NCKAP5: variants seen among roughly 807,000 people sequenced by gnomAD.
The protein encoded by NCKAP5 is nck-associated protein 5.
In NCKAP5, 92 loss-of-function variants were observed where a neutral mutation model predicts 167.0. The ratio of observed to expected loss-of-function variants is 0.55; its 90% CI spans 0.47 to 0.66. NCKAP5 has a LOEUF of 0.66. Ranked by LOEUF, NCKAP5 falls within the 30% of genes least tolerant of loss-of-function variation. NCKAP5 has a pLI of 0.00. For synonymous variants in NCKAP5, 891 were observed against 877.4 expected (o/e 1.02, Z -0.27); for missense variants, 2,378 against 2,315.0 (o/e 1.03, Z -0.56).
At chr2:133,547,117 G>A (rs1014227370) in intron 2 of NCKAP5, among the ~76,000 whole-genome samples, 14 of 152,310 alleles carry the variant, frequency 9.2e-5, no homozygotes, top group Non-Finnish European at 1.8e-4. Flanking sequence ...AAGGGGTGAC[G>A]GACGCACCTG....
intron 11 of NCKAP5, among the ~76,000 whole-genome samples, chr2:132,814,250 C>T (rs2105283683): frequency 6.6e-6 from 1 of 152,228 alleles, no homozygotes; most frequent in South Asian, 2.1e-4. Flanking sequence ...AGCTTTATCC[C>T]CAAAGCAGTT....
intron 8 of NCKAP5, among the ~76,000 whole-genome samples, chr2:132,955,936 G>T (rs546388840): frequency 1.3e-5 from 2 of 151,994 alleles, no homozygotes; most frequent in Non-Finnish European, 2.9e-5. Flanking sequence ...TCAAATGTTT[G>T]TTGGCCACAT....
intron 4 of NCKAP5, among the ~76,000 whole-genome samples, chr2:133,219,419 A>G (rs2086564210): frequency 6.6e-6 from 1 of 152,212 alleles, no homozygotes; most frequent in Non-Finnish European, 1.5e-5. Context: ...ACATTTATGC[A>G]GGAAATGCAA....
At chr2:133,437,824 G>A (rs1690589534) in intron 3 of NCKAP5, among the ~76,000 whole-genome samples, 2 of 152,180 alleles carry the variant, frequency 1.3e-5, no homozygotes, top group South Asian at 4.1e-4. Flanking sequence ...ACCACATACA[G>A]TTCTTTTGAG....
chr2:132,860,816 A>G (rs1689845449), intron 10 of NCKAP5, among the ~76,000 whole-genome samples: 1 of 152,202 alleles, frequency 6.6e-6, no homozygotes, highest in Non-Finnish European at 1.5e-5. Flanking sequence ...ATTTTTTTTA[A>G]AAAAGCACCT....
chr2:133,559,310 C>A (rs766357631), intron 1 of NCKAP5, among the ~76,000 whole-genome samples, 193 bp from the exon 2 acceptor site: 4 of 152,120 alleles, frequency 2.6e-5, no homozygotes, highest in Non-Finnish European at 5.9e-5. Context: ...ACACATCATA[C>A]ACATTTAATA....
At chr2:132,792,565 G>A (rs1337454448) in intron 12 of NCKAP5, among the ~76,000 whole-genome samples, 3 of 152,118 alleles carry the variant, frequency 2.0e-5, no homozygotes, top group Non-Finnish European at 2.9e-5. Flanking sequence ...GTTTAAATAC[G>A]CAGTGTGGTG....
intron 4 of NCKAP5, among the ~76,000 whole-genome samples, chr2:133,248,563 A>T (rs2088129509): frequency 6.6e-6 from 1 of 152,234 alleles, no homozygotes; most frequent in Admixed American, 6.5e-5. Context: ...CCTGGTTTCT[A>T]GTCCAAATTC....
intron 7 of NCKAP5, among the ~76,000 whole-genome samples, chr2:132,980,234 T>A (rs2077093976): frequency 1.3e-5 from 2 of 151,986 alleles, no homozygotes; most frequent in Non-Finnish European, 2.9e-5. Context: ...TCAACTAATC[T>A]GCCTGCCTCA....
rs114254654 is a variant in NCKAP5, at chr2:133,171,137, G to T, written c.208-41026C>A. Among the ~76,000 whole-genome samples, 705 of 152,240 alleles carry T rather than the reference G, an allele frequency of 4.6e-3. 1 individual carries two copies. The highest frequency in any genetic ancestry group is 0.016 in the African/African-American group (659 of 41,536). ...TAGAGAGATAAAGGGAGCATTTTGA[G>T]GCAGGGTGCTTTTGAAGGCATCTCA... On this transcript the variant is annotated intron_variant, in intron 5 of 19. Coordinates refer to ENST00000409261, the MANE Select transcript of NCKAP5 (RefSeq NM_207363.3).
chr2:132,857,232 TG>T (rs1412114902), intron 11 of NCKAP5, among the ~76,000 whole-genome samples: 1 of 152,212 alleles, frequency 6.6e-6, no homozygotes, highest in Non-Finnish European at 1.5e-5. Context: ...TCCTAATTTT[TG>T]TTTTCCTTAA....
intron 19 of NCKAP5, among the ~76,000 whole-genome samples, chr2:132,719,068 T>C (rs190664379): frequency 6.6e-6 from 1 of 152,164 alleles, no homozygotes; most frequent in East Asian, 1.9e-4. Flanking sequence ...AGAAGGGTGT[T>C]AGTACAAAAG....
intron 5 of NCKAP5, among the ~76,000 whole-genome samples, chr2:133,131,499 C>A (rs1453233440): frequency 6.6e-6 from 1 of 152,130 alleles, no homozygotes; most frequent in Non-Finnish European, 1.5e-5. Context: ...GCCTTATGTG[C>A]AGATATATTT....
the NCKAP5 span, among the ~76,000 whole-genome samples, chr2:133,626,963 T>A: frequency 6.6e-6 from 1 of 151,912 alleles, no homozygotes; most frequent in African/African-American, 2.4e-5. Context: ...AACAAAATAG[T>A]TAAATGTTTA....
At chr2:133,207,612 CAGAA>C (rs2150147115) in intron 5 of NCKAP5, among the ~76,000 whole-genome samples, 1 of 151,484 alleles carries the variant, frequency 6.6e-6, no homozygotes, top group East Asian at 2.0e-4. Flanking sequence ...CTTACAATGC[CAGAA>C]AGAAAGAAGA....
intron 3 of NCKAP5, among the ~76,000 whole-genome samples, chr2:133,404,575 A>G (rs1688307158): frequency 6.6e-6 from 1 of 152,228 alleles, no homozygotes. Context: ...GAGGTTTTTC[A>G]TTTAATATTT....
chr2:133,672,467 T>C, the NCKAP5 span, among the ~76,000 whole-genome samples: 2 of 152,250 alleles, frequency 1.3e-5, no homozygotes, highest in African/African-American at 4.8e-5. Context: ...AACATTTCTA[T>C]TATATTTAAA....
At chr2:132,967,174 CACACACACACACACACACACACACACAT>C (rs1360524943) in intron 7 of NCKAP5, among the ~76,000 whole-genome samples, 2 of 148,992 alleles carry the variant, frequency 1.3e-5, no homozygotes, top group African/African-American at 5.1e-5. Flanking sequence ...CACACACACA[CACACACACACACACACACACACACACAT>C]ACACACACAC....
chr2:133,176,177 T>G (rs1257788967), intron 5 of NCKAP5, among the ~76,000 whole-genome samples: 1 of 152,218 alleles, frequency 6.6e-6, no homozygotes, highest in Non-Finnish European at 1.5e-5. Context: ...ATAATTATTT[T>G]GCATCACTTA....
Sources: gnomAD v4.1 joint callset for allele counts (sites outside exome capture counted in the v4.1 genomes callset) on GRCh38, gnomAD v4.1.1 for gene constraint, MANE v1.5 for transcripts, NCBI Gene and HGNC (gene_info 2026-07-23, HGNC 2026-07-21) for gene names.